Variants in IL4R observed in about 807,000 individuals in gnomAD.
The protein encoded by IL4R is interleukin-4 receptor subunit alpha.
A neutral mutation model predicts 41.5 loss-of-function variants in IL4R; 17 were observed. The ratio of observed to expected loss-of-function variants is 0.41; its 90% CI spans 0.28 to 0.61. IL4R has a LOEUF of 0.61. Among genes scored for constraint, IL4R ranks in the 20% least tolerant of loss-of-function variants. IL4R has a pLI of 0.31. For missense variants in IL4R, 974 were observed against 1,043.1 expected (o/e 0.93, Z 0.91); for synonymous variants, 402 against 422.9 (o/e 0.95, Z 0.61).
At position 27,345,070 on chromosome 16, in the gene IL4R, G is replaced by T; in HGVS notation, c.361+50G>T. 3 of 1,281,268 alleles carry T rather than the reference G, an allele frequency of 2.3e-6. No homozygotes were observed. Among genetic ancestry groups the T allele is most frequent in the Non-Finnish European group, 2.2e-6 (2 of 911,924 alleles). The allele number at this position is 1,281,268 out of a possible 1,614,324, so 79.4% of individuals were successfully genotyped here. On this transcript the variant is annotated intron_variant, in intron 5 of 10. Transcript: ENST00000395762. The surrounding 1 kb of genome is among the most constrained non-coding windows in gnomAD (Gnocchi z 4.5). ...GGTGGCTGGGTGTGTTCCCACAGCTGCCTGGGCTGAGGGTGGGGTGGGCAG... is the reference window on the plus strand; with the variant it reads ...GGTGGCTGGGTGTGTTCCCACAGCTTCCTGGGCTGAGGGTGGGGTGGGCAG...
intron 1 of IL4R, among the ~76,000 whole-genome samples, chr16:27,314,958 G>C (rs116795069): frequency 0.011 from 1,632 of 152,274 alleles, 8 homozygotes; most frequent in Middle Eastern, 0.031. Context: ...ACAGGTGTGA[G>C]CCACTGAGCC....
At chr16:27,347,918 A>G (rs1389419140) in intron 6 of IL4R, among the ~76,000 whole-genome samples, 2 of 152,250 alleles carry the variant, frequency 1.3e-5, no homozygotes, top group Non-Finnish European at 2.9e-5. Context: ...CATGTGTCCT[A>G]AAAGCCATGT....
rs200815396 is a variant in IL4R at position 27,362,320 on chromosome 16, A to T, written c.968A>T (p.Asp323Val). 1.8e-4 allele frequency: 288 copies of T among 1,614,008 alleles called. No individual in the cohort carries two copies. Among genetic ancestry groups the T allele is most frequent in the Non-Finnish European group, 2.3e-4 (271 of 1,180,026 alleles). The change falls in exon 11 of 11, where the codon GAT (aspartate) becomes GTT (valine). Residue 323 changes from aspartate (D) to valine (V), a missense_variant. Asp to Val is a radical substitution (Grantham distance 152). Around this residue, in one of 3 missense-constraint regions of IL4R, gnomAD observed 682 missense variants for 704.3 expected, o/e 0.97. Coordinates refer to ENST00000395762, the MANE Select transcript of IL4R (RefSeq NM_000418.4). The part of the protein sequence containing the change: ...FLEHNMKRDE[D>V]PHKAAKEMPF... ...GAGCACAACATGAAAAGGGATGAAGATCCTCACAAGGCTGCCAAAGAGATG... is the reference window on the plus strand; with the variant it reads ...GAGCACAACATGAAAAGGGATGAAGTTCCTCACAAGGCTGCCAAAGAGATG...
At chr16:27,352,128 A>C (rs563135796) in intron 6 of IL4R, among the ~76,000 whole-genome samples, 1 of 152,266 alleles carries the variant, frequency 6.6e-6, no homozygotes, top group Non-Finnish European at 1.5e-5. Context: ...CCTTATCACC[A>C]CAACCCTGCG....
In IL4R at chr16:27,345,257, T is replaced by C. The variant is rs1276977244; in HGVS notation, c.361+237T>C. The C allele has an allele frequency of 3.0e-6, 2 of 666,100 alleles. No individual in the cohort carries two copies. The highest frequency in any genetic ancestry group is 5.5e-6 in the Non-Finnish European group (2 of 363,016). The allele number at this position is 666,100 out of a possible 1,614,324, so 41.3% of individuals were successfully genotyped here. A position where few individuals can be genotyped will look rare whatever the true frequency, so the allele number is the denominator to read the frequency against. On this transcript the variant is annotated intron_variant, in intron 5 of 10. Coordinates refer to ENST00000395762, the MANE Select transcript of IL4R (RefSeq NM_000418.4). This position sits in a 1 kb window ranked among gnomAD's most constrained non-coding sequence, Gnocchi z 4.5. ...CCTTCAGCCCAGCTGTTTCCACCCC[T>C]GAACTTAAGTGCCCAGGAAGGCGTA... is the stretch of plus-strand genomic sequence containing the variant.
intron 7 of IL4R, chr16:27,355,205 A>G: frequency 1.1e-5 from 3 of 272,340 alleles, no homozygotes; most frequent in Non-Finnish European, 2.4e-5. Context: ...TGCTGGGAAG[A>G]AAATAAAAGC....
intron 3 of IL4R, 174 bp from the exon 4 acceptor site, chr16:27,341,947 G>C: frequency 1.6e-6 from 1 of 622,368 alleles, no homozygotes; most frequent in Non-Finnish European, 2.7e-6. Flanking sequence ...CAGTCATCCC[G>C]ACACTAGCTG....
At chr16:27,319,768 C>A (rs2084757336) in intron 1 of IL4R, among the ~76,000 whole-genome samples, 1 of 152,170 alleles carries the variant, frequency 6.6e-6, no homozygotes, top group Non-Finnish European at 1.5e-5. Context: ...CGCATTACCA[C>A]CCAAGCTCGG....
intron 1 of IL4R, among the ~76,000 whole-genome samples, chr16:27,329,600 C>G (rs1180201336): frequency 1.3e-5 from 2 of 151,312 alleles, no homozygotes; most frequent in Non-Finnish European, 2.9e-5. Context: ...TCGCTTGAAC[C>G]CGGGAGGTGG....
chr16:27,313,891 A>C (rs963454197), upstream of IL4R: 1 of 982,956 alleles, frequency 1.0e-6, no homozygotes, highest in Admixed American at 6.2e-5. Context: ...GGCGGGGAGC[A>C]GGAAGCCGGG....
At chr16:27,314,630 G>C (rs2084579136) in intron 1 of IL4R, among the ~76,000 whole-genome samples, 1 of 152,184 alleles carries the variant, frequency 6.6e-6, no homozygotes, top group Admixed American at 6.5e-5. Context: ...AGCCGCTTTA[G>C]TAACTTGCCC....
At chr16:27,360,012 CTT>C (rs367917837) in intron 9 of IL4R, among the ~76,000 whole-genome samples, 5 of 138,812 alleles carry the variant, frequency 3.6e-5, no homozygotes, top group East Asian at 2.0e-4. Flanking sequence ...TGACAGTTGG[CTT>C]TTTTTTTTTT....
At chr16:27,358,484 C>A (rs2086172795) in intron 8 of IL4R, among the ~76,000 whole-genome samples, 1 of 152,214 alleles carries the variant, frequency 6.6e-6, no homozygotes, top group African/African-American at 2.4e-5. Flanking sequence ...GCTTCCCAGG[C>A]CATCCCAGGC....
chr16:27,314,131 C>A, intron 1 of IL4R, 111 bp downstream of exon 1: 1 of 981,822 alleles, frequency 1.0e-6, no homozygotes, highest in Non-Finnish European at 1.2e-6. Flanking sequence ...GGGGACCACC[C>A]CGACTCCGAG....
intron 6 of IL4R, among the ~76,000 whole-genome samples, chr16:27,347,700 A>C (rs2239347): frequency 0.45 from 68,918 of 151,874 alleles, 15,698 homozygotes; most frequent in South Asian, 0.51. Flanking sequence ...TGGAGGGACA[A>C]TCTCTGGACA....
At chr16:27,323,642 G>C (rs117919545) in intron 1 of IL4R, among the ~76,000 whole-genome samples, 2,402 of 152,070 alleles carry the variant, frequency 0.016, 28 homozygotes, top group Non-Finnish European at 0.024. Flanking sequence ...AAGTGAGTGA[G>C]TGAGGCTCAA....
At chr16:27,321,824 A>G (rs376305138) in intron 1 of IL4R, among the ~76,000 whole-genome samples, 51 of 152,106 alleles carry the variant, frequency 3.4e-4, no homozygotes, top group Admixed American at 8.5e-4. Context: ...TTATTTAATT[A>G]TATGCTTTTT....
Position 27,363,290 on chromosome 16 carries a change from C to A in IL4R, c.1938C>A (p.Ala646=), listed in dbSNP as rs2086372028. Residue 646 remains alanine, a synonymous_variant, in exon 11 of 11, where the codon GCC becomes GCA. Transcript: ENST00000395762. Reference sequence around the variant, plus strand: ...TTCCTGGCTGCCCTGGGGACCCTGCCCCAGTCCCTGTCCCCTTGTTCACCT... The same window carrying A: ...TTCCTGGCTGCCCTGGGGACCCTGCACCAGTCCCTGTCCCCTTGTTCACCT... ...DLIPGCPGDP[A]PVPVPLFTFG... 6.2e-7 allele frequency: 1 copy of A among 1,606,222 alleles called. No homozygotes were observed. The highest frequency in any genetic ancestry group is 2.2e-5 in the East Asian group (1 of 44,764).
chr16:27,354,625 C>A (rs2085995236), intron 7 of IL4R, among the ~76,000 whole-genome samples: 1 of 152,172 alleles, frequency 6.6e-6, no homozygotes, highest in South Asian at 2.1e-4. Context: ...GGCTCCCTGA[C>A]AAGGGAGAGA....
Sources: allele counts gnomAD v4.1 joint callset (sites outside exome capture counted in the v4.1 genomes callset), GRCh38; gene constraint gnomAD v4.1.1; regional missense constraint gnomAD v4.1.1; non-coding constraint Gnocchi (gnomAD v3.1); transcripts MANE v1.5; gene names NCBI Gene and HGNC (gene_info 2026-07-23, HGNC 2026-07-21).